GRIP1: variants seen among roughly 807,000 people sequenced by gnomAD.
The protein encoded by GRIP1 is glutamate receptor interacting protein 1, also known as glutamate receptor-interacting protein 1.
In GRIP1, 45 loss-of-function variants were observed where a neutral mutation model predicts 129.9. That is an observed-to-expected ratio of 0.35 (90% CI 0.27 to 0.44). The LOEUF is 0.44. GRIP1 is among the 20% of genes least tolerant of loss of function. GRIP1 has a pLI of 1.00. For synonymous variants in GRIP1, 530 were observed against 520.8 expected (o/e 1.02, Z -0.24); for missense variants, 1,196 against 1,396.8 (o/e 0.86, Z 2.29).
At chr12:67,016,431 A>G (rs1310338245) in intron 1 of GRIP1, among the ~76,000 whole-genome samples, 2 of 152,192 alleles carry the variant, frequency 1.3e-5, no homozygotes, top group East Asian at 1.9e-4. Context: ...AGGATTTTTC[A>G]TATGTATTCA....
At chr12:67,061,961 G>T (rs929113581) in intron 1 of GRIP1, among the ~76,000 whole-genome samples, 6 of 116,326 alleles carry the variant, frequency 5.2e-5, no homozygotes, top group African/African-American at 2.0e-4. Flanking sequence ...ATCAGTACTT[G>T]AACCAGAGAT....
intron 1 of GRIP1, among the ~76,000 whole-genome samples, chr12:66,816,892 C>T (rs1251393933): frequency 6.6e-6 from 1 of 151,886 alleles, no homozygotes; most frequent in Admixed American, 6.6e-5. Flanking sequence ...TAAGGTTGCC[C>T]CCTTTATATT....
chr12:67,011,879 T>A (rs1178525486), intron 1 of GRIP1, among the ~76,000 whole-genome samples: 1 of 152,224 alleles, frequency 6.6e-6, no homozygotes, highest in Admixed American at 6.5e-5. Context: ...TCAACTCTGC[T>A]GTTGTAGTAC....
chr12:66,815,787 A>AC lies in GRIP1; in HGVS notation c.59-218861_59-218860insG, dbSNP rs1382640027. On this transcript the variant is annotated intron_variant, in intron 1 of 1. Coordinates refer to the GRIP1 transcript ENST00000643019. ...TCAAACCAAACAAACAAACAAACAAAAAAAATGGGGAGTGGCTTAAACAAG... is the reference window on the plus strand; with the variant it reads ...TCAAACCAAACAAACAAACAAACAAACAAAAATGGGGAGTGGCTTAAACAAG... Among the ~76,000 whole-genome samples the AC allele has an allele frequency of 8.7e-5, 13 of 149,572 alleles. No homozygotes were observed. The East Asian group carries it at 9.8e-4, about 11-fold the overall frequency.
chr12:66,431,967 G>T (rs561259574), intron 14 of GRIP1, among the ~76,000 whole-genome samples: 3 of 152,188 alleles, frequency 2.0e-5, no homozygotes, highest in Non-Finnish European at 4.4e-5. Flanking sequence ...TAAAGTAAGA[G>T]ACATTGTTTT....
intron 2 of GRIP1, among the ~76,000 whole-genome samples, chr12:66,591,556 T>C (rs998904495): frequency 3.3e-5 from 5 of 152,220 alleles, no homozygotes; most frequent in African/African-American, 1.2e-4. Context: ...GTACTTTGTA[T>C]GACATTTCAT....
chr12:67,026,213 T>C (rs1275400217), intron 1 of GRIP1, among the ~76,000 whole-genome samples: 1 of 152,224 alleles, frequency 6.6e-6, no homozygotes, highest in African/African-American at 2.4e-5. Flanking sequence ...AAAAAGTTCT[T>C]ATTTTAAAAC....
At chr12:67,060,151 A>G (rs2043507667) in intron 1 of GRIP1, among the ~76,000 whole-genome samples, 1 of 152,248 alleles carries the variant, frequency 6.6e-6, no homozygotes, top group African/African-American at 2.4e-5. Flanking sequence ...TTTGTATTTA[A>G]GATCAAAATG....
chr12:66,583,317 T>G (rs1371291566), intron 2 of GRIP1, among the ~76,000 whole-genome samples: 1 of 150,252 alleles, frequency 6.7e-6, no homozygotes, highest in Non-Finnish European at 1.5e-5. Flanking sequence ...GAAGAAAACC[T>G]AGGCGTTACC....
chr12:66,768,586 C>T (rs1202582471), intron 1 of GRIP1, among the ~76,000 whole-genome samples: 1 of 152,148 alleles, frequency 6.6e-6, no homozygotes, highest in Non-Finnish European at 1.5e-5. Flanking sequence ...ACTACAACCA[C>T]CTTTCTGATT....
At position 66,541,905 on chromosome 12, in the gene GRIP1, C is replaced by G; in HGVS notation, c.182G>C (p.Gly61Ala). Residue 61 changes from glycine to alanine, a missense_variant, in exon 3 of 25, where the codon GGC (glycine) becomes GCC (alanine). Transcript: ENST00000359742. ...STVVELMKKE[G>A]TTLGLTVSGG... ...CGATACCGTCAGACCCAGGGTAGTG[C>G]CTTCCTTCTTCATCAGCTCGACGAC... 6.2e-7 allele frequency: 1 copy of G among 1,613,860 alleles called. No individual in the cohort carries two copies. The highest frequency in any genetic ancestry group is 8.5e-7 in the Non-Finnish European group (1 of 1,179,734).
chr12:66,517,745 C>CTGATTCCA (rs1372934161), intron 6 of GRIP1, among the ~76,000 whole-genome samples, 156 bp downstream of exon 6: 1 of 149,246 alleles, frequency 6.7e-6, no homozygotes, highest in Non-Finnish European at 1.5e-5. Flanking sequence ...TTTTTTTTTT[C>CTGATTCCA]TGATTCCATA....
At chr12:66,550,954 T>C (rs530370898) in intron 2 of GRIP1, among the ~76,000 whole-genome samples, 1 of 152,256 alleles carries the variant, frequency 6.6e-6, no homozygotes, top group East Asian at 1.9e-4. Flanking sequence ...CCTCAGGCAG[T>C]TTTCCTTTGG....
At chr12:66,676,185 A>T (rs1461624554) in intron 1 of GRIP1, among the ~76,000 whole-genome samples, 1 of 152,166 alleles carries the variant, frequency 6.6e-6, no homozygotes, top group Non-Finnish European at 1.5e-5. Context: ...TCTAAGTGCA[A>T]AAATGTCAGT....
At chr12:66,829,871 A>G (rs1214445507) in intron 1 of GRIP1, among the ~76,000 whole-genome samples, 1 of 152,170 alleles carries the variant, frequency 6.6e-6, no homozygotes, top group Non-Finnish European at 1.5e-5. Context: ...CCACAGTCTC[A>G]TCATAACATT....
At chr12:67,038,190 G>A (rs1378070376) in intron 1 of GRIP1, among the ~76,000 whole-genome samples, 1 of 152,152 alleles carries the variant, frequency 6.6e-6, no homozygotes, top group African/African-American at 2.4e-5. Context: ...GTCCATAGAA[G>A]GCAGACAATG....
At chr12:66,789,649 A>G (rs540314004) in intron 1 of GRIP1, among the ~76,000 whole-genome samples, 1 of 152,144 alleles carries the variant, frequency 6.6e-6, no homozygotes, top group African/African-American at 2.4e-5. Flanking sequence ...TTAACTATTT[A>G]AACATGTCCT....
chr12:66,852,830 T>C (rs943926846), intron 1 of GRIP1, among the ~76,000 whole-genome samples: 1 of 151,966 alleles, frequency 6.6e-6, no homozygotes, highest in South Asian at 2.1e-4. Flanking sequence ...AATGATTCCA[T>C]TTATAATTCA....
At chr12:66,445,883 A>T (rs927499178) in intron 11 of GRIP1, among the ~76,000 whole-genome samples, 1 of 152,152 alleles carries the variant, frequency 6.6e-6, no homozygotes, top group African/African-American at 2.4e-5. Flanking sequence ...CCTATCTAAG[A>T]AAAAGGGAGT....
Sources: gnomAD v4.1 joint callset for allele counts (sites outside exome capture counted in the v4.1 genomes callset) on GRCh38, gnomAD v4.1.1 for gene constraint, MANE v1.5 for transcripts, NCBI Gene and HGNC (gene_info 2026-07-23, HGNC 2026-07-21) for gene names.